NRG1: variants seen among roughly 807,000 people sequenced by gnomAD.
The protein encoded by NRG1 is neuregulin 1, also known as pro-neuregulin-1, membrane-bound isoform.
Under a neutral mutation model 63.8 loss-of-function variants are expected in NRG1, and 18 were observed. The observed-to-expected ratio is 0.28, with a 90% CI of 0.19 to 0.42. The LOEUF (loss-of-function observed/expected upper bound fraction) is 0.42. Ranked by LOEUF, NRG1 falls within the 10% of genes least tolerant of loss-of-function variation. The pLI, the probability that NRG1 is intolerant of heterozygous loss-of-function variation, is 1.00. For missense variants in NRG1, 762 were observed against 814.7 expected, an observed-to-expected ratio of 0.94 and a Z score of 0.79; for synonymous variants, 302 against 301.3, an observed-to-expected ratio of 1.00 and a Z score of -0.02.
At chr8:31,943,568 T>C (rs1226089702) in intron 1 of NRG1, among the ~76,000 whole-genome samples, 1 of 146,860 alleles carries the variant, frequency 6.8e-6, no homozygotes, top group Non-Finnish European at 1.5e-5. Context: ...ATTGAATGAA[T>C]GAACCAAAGG....
At chr8:32,533,869 A>G (rs1456000708) in intron 1 of NRG1, among the ~76,000 whole-genome samples, 1 of 152,150 alleles carries the variant, frequency 6.6e-6, no homozygotes, top group Non-Finnish European at 1.5e-5. Context: ...CATTTTAGCA[A>G]TGTATTCAGA....
At chr8:32,213,513 A>G (rs1844900706) in intron 1 of NRG1, among the ~76,000 whole-genome samples, 1 of 152,122 alleles carries the variant, frequency 6.6e-6, no homozygotes, top group Admixed American at 6.6e-5. Flanking sequence ...TGTTGGGCTT[A>G]ATACATAGGT....
At chr8:32,447,891 C>CG (rs979793287) in intron 1 of NRG1, among the ~76,000 whole-genome samples, 6 of 151,232 alleles carry the variant, frequency 4.0e-5, no homozygotes, top group African/African-American at 1.5e-4. Flanking sequence ...TTTTCTATAA[C>CG]GGATTGCATG....
intron 1 of NRG1, among the ~76,000 whole-genome samples, chr8:31,705,016 G>A (rs1014352107): frequency 6.6e-6 from 1 of 151,764 alleles, no homozygotes; most frequent in Admixed American, 6.6e-5. Context: ...AGCTACATGA[G>A]GAGAGCAAGG....
intron 1 of NRG1, among the ~76,000 whole-genome samples, chr8:32,065,579 C>G (rs4617115): frequency 0.62 from 93,569 of 152,038 alleles, 30,168 homozygotes; most frequent in Non-Finnish European, 0.71. Flanking sequence ...TTAATCCAGT[C>G]TATCATTGTT....
intron 5 of NRG1, among the ~76,000 whole-genome samples, chr8:32,692,153 G>T (rs538887994): frequency 5.3e-5 from 8 of 152,256 alleles, no homozygotes; most frequent in African/African-American, 1.7e-4. Context: ...TTTTGTGTGT[G>T]CTAAGTGTTC....
chr8:32,652,639 G>A (rs2466055), intron 5 of NRG1, among the ~76,000 whole-genome samples: 17,298 of 151,818 alleles, frequency 0.11, 1,181 homozygotes, highest in African/African-American at 0.19. Context: ...ATGCTGAATG[G>A]CACTTTCATA....
At chr8:31,736,896 T>C (rs1330817246) in intron 1 of NRG1, among the ~76,000 whole-genome samples, 1 of 152,156 alleles carries the variant, frequency 6.6e-6, no homozygotes, top group Admixed American at 6.6e-5. Context: ...AATATCACTG[T>C]GTTACACAAT....
intron 1 of NRG1, among the ~76,000 whole-genome samples, chr8:32,138,205 G>A (rs990289128): frequency 1.3e-5 from 2 of 152,066 alleles, no homozygotes; most frequent in African/African-American, 2.4e-5. Flanking sequence ...GAGGACAATA[G>A]TGAGTGGATT....
intron 1 of NRG1, among the ~76,000 whole-genome samples, chr8:31,654,364 G>T (rs1451805750): frequency 6.6e-6 from 1 of 152,188 alleles, no homozygotes; most frequent in Non-Finnish European, 1.5e-5. Context: ...TGTAACAGGA[G>T]TAGTCTTTTG....
At chr8:31,966,878 T>C (rs891563956) in intron 1 of NRG1, among the ~76,000 whole-genome samples, 1 of 152,112 alleles carries the variant, frequency 6.6e-6, no homozygotes, top group African/African-American at 2.4e-5. Context: ...CATGAAATCA[T>C]AGCTAAAGTC....
rs1040382148 is a variant in NRG1 at position 31,869,520 on chromosome 8, A to G, written c.37+230089A>G. Among the ~76,000 whole-genome samples, 5 of 152,304 alleles carry G rather than the reference A, an allele frequency of 3.3e-5. No individual in the cohort carries two copies. In the East Asian group the frequency reaches 5.8e-4, roughly 18 times the overall value. ...ATTTTCTTAAAATTAGAGCTTCACT[A>G]TAAACAATCTTTGGTCAAGGAAAGG... On this transcript the variant is annotated intron_variant, in intron 1 of 10. Coordinates refer to the NRG1 transcript ENST00000519301.
intron 1 of NRG1, among the ~76,000 whole-genome samples, chr8:32,058,267 A>G (rs1254077594): frequency 6.6e-6 from 1 of 152,108 alleles, no homozygotes; most frequent in Admixed American, 6.6e-5. Flanking sequence ...AGGGACATAC[A>G]TGGCTGTATA....
intron 1 of NRG1, among the ~76,000 whole-genome samples, chr8:32,522,007 G>A (rs1021637584): frequency 6.6e-6 from 1 of 152,168 alleles, no homozygotes; most frequent in Non-Finnish European, 1.5e-5. Flanking sequence ...TGAATTATGT[G>A]CAGAAAAGAA....
exon 4 of NRG1, chr8:32,614,541 C>T: frequency 1.2e-6 from 2 of 1,612,574 alleles, no homozygotes; most frequent in Non-Finnish European, 1.7e-6. Context: ...CCAGCCTCAA[C>T]TGAAGGAGCA....
At position 31,898,849 on chromosome 8, in the gene NRG1, C is replaced by A. The variant is rs1308958996; in HGVS notation, c.37+259418C>A. 2.6e-5 allele frequency among the ~76,000 whole-genome samples: 4 copies of A among 152,254 alleles called. No individual in the cohort carries two copies. In the East Asian group the frequency reaches 7.7e-4, roughly 29 times the overall value. Reference sequence around the variant, plus strand: ...CATTACTAGCAGTGGTTCCTGCTCTCTTCTTTCTTTTTTTTCTTTGCATCC... The same window carrying A: ...CATTACTAGCAGTGGTTCCTGCTCTATTCTTTCTTTTTTTTCTTTGCATCC... On this transcript the variant is annotated intron_variant, in intron 1 of 10. Coordinates refer to the NRG1 transcript ENST00000519301.
At chr8:31,652,327 T>G (rs1804935177) in intron 1 of NRG1, among the ~76,000 whole-genome samples, 1 of 152,242 alleles carries the variant, frequency 6.6e-6, no homozygotes, top group African/African-American at 2.4e-5. Context: ...AGCCTCTTTA[T>G]GCATGGATTC....
intron 1 of NRG1, among the ~76,000 whole-genome samples, chr8:32,212,529 T>C (rs1438708659): frequency 1.3e-5 from 2 of 152,182 alleles, no homozygotes; most frequent in Non-Finnish European, 2.9e-5. Flanking sequence ...GGTCAGTAAG[T>C]ACCATATTGG....
intron 1 of NRG1, among the ~76,000 whole-genome samples, chr8:31,747,074 A>G (rs757054986): frequency 6.6e-6 from 1 of 151,900 alleles, no homozygotes; most frequent in African/African-American, 2.4e-5. Context: ...AAAGGTAGTT[A>G]GAAAGAATGC....
Sources: gnomAD v4.1 joint callset for allele counts (sites outside exome capture counted in the v4.1 genomes callset) on GRCh38, gnomAD v4.1.1 for gene constraint, MANE v1.5 for transcripts, NCBI Gene and HGNC (gene_info 2026-07-23, HGNC 2026-07-21) for gene names.